CSGALNACT1: variants seen among roughly 807,000 people sequenced by gnomAD.
The protein encoded by CSGALNACT1 is chondroitin sulfate N-acetylgalactosaminyltransferase 1.
Under a neutral mutation model 51.0 loss-of-function variants are expected in CSGALNACT1, and 52 were observed. The observed-to-expected ratio is 1.02, with a 90% CI of 0.82 to 1.29. The LOEUF is 1.29. Among genes scored for constraint, CSGALNACT1 ranks in the 50% most tolerant of loss-of-function variants. CSGALNACT1 has a pLI of 0.00. For missense variants in CSGALNACT1, 935 were observed against 679.2 expected, an observed-to-expected ratio of 1.38 and a Z score of -4.19; for synonymous variants, 341 against 254.4, an observed-to-expected ratio of 1.34 and a Z score of -3.24.
intron 1 of CSGALNACT1, among the ~76,000 whole-genome samples, chr8:19,654,953 A>G (rs2058127715): frequency 6.6e-6 from 1 of 152,220 alleles, no homozygotes; most frequent in Non-Finnish European, 1.5e-5. Flanking sequence ...ACTAAAAAAA[A>G]AAATTCTAAA....
intron 3 of CSGALNACT1, among the ~76,000 whole-genome samples, chr8:19,587,696 G>A (rs2046949194): frequency 6.6e-6 from 1 of 152,152 alleles, no homozygotes; most frequent in African/African-American, 2.4e-5. Flanking sequence ...AGTGGCAAGG[G>A]CATAGATACT....
At chr8:19,495,190 CCCTT>C (rs916059467) in intron 4 of CSGALNACT1, 2 of 152,132 alleles carry the variant, frequency 1.3e-5, no homozygotes, top group African/African-American at 4.8e-5. Context: ...CCACATGTTC[CCCTT>C]CTTTAGGTAA....
chr8:19,738,930 G>A (rs1285083713), intron 1 of CSGALNACT1, among the ~76,000 whole-genome samples: 4 of 152,040 alleles, frequency 2.6e-5, no homozygotes, highest in Admixed American at 6.6e-5. Context: ...AATTACAAGA[G>A]ACTTCAGAGA....
intron 4 of CSGALNACT1, among the ~76,000 whole-genome samples, chr8:19,497,045 T>C (rs1373402467): frequency 2.0e-5 from 3 of 152,088 alleles, no homozygotes; most frequent in Non-Finnish European, 2.9e-5. Context: ...ACAAATATTC[T>C]CACCTTAGGG....
intron 1 of CSGALNACT1, among the ~76,000 whole-genome samples, chr8:19,669,660 G>C (rs1257751198): frequency 6.6e-6 from 1 of 152,044 alleles, no homozygotes; most frequent in Non-Finnish European, 1.5e-5. Flanking sequence ...TTTTAGTAGA[G>C]ATGGGGGTTT....
At chr8:19,619,526 A>C (rs1419888766) in intron 1 of CSGALNACT1, among the ~76,000 whole-genome samples, 1 of 152,084 alleles carries the variant, frequency 6.6e-6, no homozygotes, top group Non-Finnish European at 1.5e-5. Context: ...TGTGGAAACA[A>C]GCAGAAGGTT....
chr8:19,507,144 T>G (rs752951382), intron 3 of CSGALNACT1, among the ~76,000 whole-genome samples: 1 of 152,174 alleles, frequency 6.6e-6, no homozygotes, highest in Non-Finnish European at 1.5e-5. Context: ...TGGTTCCAGC[T>G]AACTCTTTGA....
intron 1 of CSGALNACT1, among the ~76,000 whole-genome samples, chr8:19,613,106 T>C (rs1161323251): frequency 6.6e-6 from 1 of 152,132 alleles, no homozygotes; most frequent in Non-Finnish European, 1.5e-5. Context: ...GTGTGATAAC[T>C]ACTTTCACAA....
At chr8:19,415,015 TC>T (rs1420152546) in intron 8 of CSGALNACT1, among the ~76,000 whole-genome samples, 2 of 152,220 alleles carry the variant, frequency 1.3e-5, no homozygotes, top group East Asian at 3.8e-4. Flanking sequence ...TTTCAAGTTC[TC>T]CTTTGGAATT....
At chr8:19,573,437 A>C (rs1001710938) in intron 3 of CSGALNACT1, among the ~76,000 whole-genome samples, 1 of 151,974 alleles carries the variant, frequency 6.6e-6, no homozygotes, top group Non-Finnish European at 1.5e-5. Context: ...TAAGTCATGA[A>C]ATATTCCAAT....
chr8:19,665,326 C>T (rs1252206747), intron 1 of CSGALNACT1, among the ~76,000 whole-genome samples: 1 of 152,154 alleles, frequency 6.6e-6, no homozygotes, highest in Non-Finnish European at 1.5e-5. Flanking sequence ...GAAGTATTCA[C>T]AGCCAAGTTA....
chr8:19,738,640 T>G (rs1422992274), intron 1 of CSGALNACT1, among the ~76,000 whole-genome samples: 1 of 152,208 alleles, frequency 6.6e-6, no homozygotes, highest in East Asian at 1.9e-4. Flanking sequence ...TTTTATACTA[T>G]GTATATTTTA....
intron 1 of CSGALNACT1, among the ~76,000 whole-genome samples, chr8:19,745,850 A>G (rs1314896066): frequency 6.6e-6 from 1 of 152,148 alleles, no homozygotes; most frequent in Non-Finnish European, 1.5e-5. Context: ...CACTAAAATT[A>G]GGGGTTTATA....
intron 3 of CSGALNACT1, among the ~76,000 whole-genome samples, chr8:19,509,000 A>T (rs913300536): frequency 6.6e-6 from 1 of 152,266 alleles, no homozygotes; most frequent in African/African-American, 2.4e-5. Context: ...AAAGTGGAAA[A>T]GACAGATTTT....
At chr8:19,664,984 T>C (rs1260173780) in intron 1 of CSGALNACT1, among the ~76,000 whole-genome samples, 1 of 152,206 alleles carries the variant, frequency 6.6e-6, no homozygotes, top group Non-Finnish European at 1.5e-5. Context: ...TACCACTATG[T>C]AGTACATTCA....
At chr8:19,543,040 C>A (rs2085600240) in intron 3 of CSGALNACT1, among the ~76,000 whole-genome samples, 1 of 152,096 alleles carries the variant, frequency 6.6e-6, no homozygotes, top group African/African-American at 2.4e-5. Flanking sequence ...TAAGTCATAA[C>A]TTTGGAAGCA....
At chr8:19,604,220 G>C (rs551125323), upstream of CSGALNACT1, among the ~76,000 whole-genome samples, 4 of 152,300 alleles carry the variant, frequency 2.6e-5, no homozygotes, top group Admixed American at 2.6e-4. Flanking sequence ...AAGGGGAATA[G>C]CATCTTGGAA....
chr8:19,745,572 T>A (rs2064602273), intron 1 of CSGALNACT1, among the ~76,000 whole-genome samples: 1 of 152,264 alleles, frequency 6.6e-6, no homozygotes. Context: ...TGTGCACAGA[T>A]GAAGCTAAGG....
chr8:19,676,616 G>A (rs1296172782), intron 1 of CSGALNACT1, among the ~76,000 whole-genome samples: 1 of 152,174 alleles, frequency 6.6e-6, no homozygotes, highest in Non-Finnish European at 1.5e-5. Flanking sequence ...TGTAGTATAA[G>A]AAGGAACAGA....
Sources: gnomAD v4.1 joint callset for allele counts (sites outside exome capture counted in the v4.1 genomes callset) on GRCh38, gnomAD v4.1.1 for gene constraint, MANE v1.5 for transcripts, NCBI Gene and HGNC (gene_info 2026-07-23, HGNC 2026-07-21) for gene names.